SLC39A10: variants seen among roughly 807,000 people sequenced by gnomAD.
SLC39A10 encodes solute carrier family 39 member 10.
Under a neutral mutation model 65.1 loss-of-function variants are expected in SLC39A10, and 13 were observed. The observed-to-expected ratio is 0.20, with a 90% CI of 0.13 to 0.32. SLC39A10 has a LOEUF of 0.32. Ranked by LOEUF, SLC39A10 falls within the 10% of genes least tolerant of loss-of-function variation. SLC39A10 has a pLI of 1.00. For missense variants in SLC39A10, 831 were observed against 1,018.4 expected (o/e 0.82, Z 2.50); for synonymous variants, 321 against 342.2 (o/e 0.94, Z 0.68).
intron 2 of SLC39A10, among the ~76,000 whole-genome samples, chr2:195,650,479 T>C (rs1391965681): frequency 1.3e-5 from 2 of 152,040 alleles, no homozygotes; most frequent in African/African-American, 2.4e-5. Context: ...GGACTTGCCA[T>C]GGTCAATCAG....
rs541103944 is a variant in SLC39A10 at position 195,682,417 on chromosome 2, A to T, written c.1009-1282A>T. Among the ~76,000 whole-genome samples, 70 of 152,302 alleles carry T rather than the reference A, an allele frequency of 4.6e-4. 1 individual carries two copies. The highest frequency in any genetic ancestry group is 1.6e-3 in the African/African-American group (68 of 41,576). ...TTAAAATAACATATATTAAGATCTT[A>T]GTATGATTTTAAAGTATGCATTCAT... On this transcript the variant is annotated intron_variant, in intron 2 of 9. Coordinates refer to ENST00000359634, the MANE Select transcript of SLC39A10 (RefSeq NM_020342.3).
chr2:195,689,095 T>C (rs1407599084), intron 3 of SLC39A10, among the ~76,000 whole-genome samples: 1 of 152,138 alleles, frequency 6.6e-6, no homozygotes, highest in African/African-American at 2.4e-5. Flanking sequence ...GATGATTTAG[T>C]GGAGAAAACA....
chr2:195,626,695 G>C (rs1454990744), intron 2 of SLC39A10, among the ~76,000 whole-genome samples: 1 of 152,142 alleles, frequency 6.6e-6, no homozygotes, highest in Non-Finnish European at 1.5e-5. Context: ...AAGACCTCAG[G>C]CGTTTCTACT....
In SLC39A10 at chr2:195,708,627, T is replaced by C. The variant is rs369181548; in HGVS notation, c.1387-29T>C. ...TTTAAATAGCATTTCAATTATTTGT[T>C]TAGAAGTTTTATTTGTTCTTATTAA... On this transcript the variant is annotated intron_variant, in intron 4 of 9. Transcript: ENST00000359634. The C allele has an allele frequency of 2.0e-4, 291 of 1,479,248 alleles. 3 individuals are homozygous for C. Among genetic ancestry groups the C allele is most frequent in the South Asian group, 1.6e-3 (113 of 69,186 alleles). 91.6% of individuals were successfully genotyped at this position (1,479,248 alleles called of 1,614,324 possible). A position where few individuals can be genotyped will look rare whatever the true frequency, so the allele number is the denominator to read the frequency against.
intron 8 of SLC39A10, among the ~76,000 whole-genome samples, chr2:195,726,258 T>A (rs553310819): frequency 1.3e-5 from 2 of 152,300 alleles, no homozygotes; most frequent in Admixed American, 6.5e-5. Flanking sequence ...TGCTCATTTT[T>A]AAACGCATTA....
chr2:195,700,068 A>T (rs1691116905), intron 3 of SLC39A10, among the ~76,000 whole-genome samples: 1 of 152,072 alleles, frequency 6.6e-6, no homozygotes, highest in African/African-American at 2.4e-5. Flanking sequence ...ATTTTCATGG[A>T]ATATCGTTTT....
intron 2 of SLC39A10, among the ~76,000 whole-genome samples, chr2:195,642,137 T>G (rs1688823363): frequency 6.6e-6 from 1 of 152,276 alleles, no homozygotes; most frequent in East Asian, 1.9e-4. Context: ...TGGGAGGACC[T>G]GATCAAATTA....
At chr2:195,647,916 T>A (rs770982910) in intron 2 of SLC39A10, among the ~76,000 whole-genome samples, 8 of 152,226 alleles carry the variant, frequency 5.3e-5, no homozygotes, top group Non-Finnish European at 1.2e-4. Context: ...GACAGACTTA[T>A]AGAGGATGTA....
At chr2:195,695,411 C>G (rs896053493) in intron 3 of SLC39A10, among the ~76,000 whole-genome samples, 1 of 152,198 alleles carries the variant, frequency 6.6e-6, no homozygotes, top group Admixed American at 6.5e-5. Context: ...CCTCACCACA[C>G]TCCCACACAA....
intron 5 of SLC39A10, among the ~76,000 whole-genome samples, chr2:195,711,764 A>G (rs1464336224): frequency 1.3e-5 from 2 of 152,248 alleles, no homozygotes; most frequent in Admixed American, 6.5e-5. Flanking sequence ...AAAGTGGACT[A>G]TCAGAACCAA....
intron 1 of SLC39A10, among the ~76,000 whole-genome samples, chr2:195,676,993 T>A (rs905420434): frequency 1.3e-5 from 2 of 152,370 alleles, no homozygotes; most frequent in African/African-American, 4.8e-5. Context: ...GTTTTATATG[T>A]CTTGTTCTAA....
chr2:195,650,369 G>A (rs1249773302), intron 2 of SLC39A10, among the ~76,000 whole-genome samples: 1 of 151,912 alleles, frequency 6.6e-6, no homozygotes, highest in Non-Finnish European at 1.5e-5. Flanking sequence ...TGTGGTCAAC[G>A]TGTTAGTCTG....
At chr2:195,690,775 A>G (rs776347345) in intron 3 of SLC39A10, among the ~76,000 whole-genome samples, 6 of 152,140 alleles carry the variant, frequency 3.9e-5, no homozygotes, top group African/African-American at 1.2e-4. Context: ...AATCTCCCTT[A>G]TCAGATATAT....
In SLC39A10 at chr2:195,647,958, A is replaced by G. The variant is rs149245327; in HGVS notation, c.-11-32074A>G. Among the ~76,000 whole-genome samples the G allele has an allele frequency of 4.7e-3, 710 of 152,296 alleles. 1 individual carries two copies. Among genetic ancestry groups the G allele is most frequent in the Non-Finnish European group, 6.5e-3 (440 of 68,026 alleles). On this transcript the variant is annotated intron_variant, in intron 2 of 2. Coordinates refer to the SLC39A10 transcript ENST00000458054. ...TATAAATCTAAGGACTGAAAAGTAA[A>G]TGTACCTTTAATCCTCCAAATGGAT...
At chr2:195,681,248 C>T (rs778232315) in intron 2 of SLC39A10, among the ~76,000 whole-genome samples, 198 bp downstream of exon 2, 3 of 152,012 alleles carry the variant, frequency 2.0e-5, no homozygotes, top group African/African-American at 4.8e-5. Context: ...TTTAAGTATC[C>T]GGGCGCGGTG....
chr2:195,685,904 T>C (rs544613679), intron 3 of SLC39A10, among the ~76,000 whole-genome samples: 25 of 152,378 alleles, frequency 1.6e-4, no homozygotes, highest in Middle Eastern at 3.4e-3. Context: ...AAGATACTTG[T>C]TGAAATGTGT....
intron 1 of SLC39A10, among the ~76,000 whole-genome samples, chr2:195,660,374 A>G (rs2105728679): frequency 6.6e-6 from 1 of 152,312 alleles, no homozygotes; most frequent in Non-Finnish European, 1.5e-5. Context: ...TTTATAACGG[A>G]AGTTTTATAA....
intron 5 of SLC39A10, among the ~76,000 whole-genome samples, chr2:195,713,110 A>G (rs1469401158): frequency 6.6e-6 from 1 of 152,190 alleles, no homozygotes; most frequent in Non-Finnish European, 1.5e-5. Flanking sequence ...CTGTTACCTT[A>G]CACTATTGGA....
Position 195,716,999 on chromosome 2 carries a change from G to A in SLC39A10, c.2059G>A (p.Ala687Thr). The A allele has an allele frequency of 3.7e-6, 6 of 1,612,754 alleles. No homozygotes were observed. Among genetic ancestry groups the A allele is most frequent in the Non-Finnish European group, 5.1e-6 (6 of 1,179,220 alleles). The change falls in exon 7 of 10, where the codon GCA (alanine) becomes ACA (threonine). Residue 687 changes from alanine to threonine, a missense_variant. By Grantham distance (58) the Ala-to-Thr change is moderately conservative (BLOSUM62 0). This residue lies in a region of SLC39A10 where 120 missense variants were observed against 203.9 expected (regional missense o/e 0.59). Transcript: ENST00000359634. ...CATCCACAACTTCAGTGATGGGCTC[G>A]CAATTGGTAAGTGGACTGGAAACCA... ...DGIHNFSDGL[A>T]IGAAFSAGLT...
Sources: allele counts gnomAD v4.1 joint callset (sites outside exome capture counted in the v4.1 genomes callset), GRCh38; gene constraint gnomAD v4.1.1; regional missense constraint gnomAD v4.1.1; transcripts MANE v1.5; gene names NCBI Gene and HGNC (gene_info 2026-07-23, HGNC 2026-07-21).